The following ZPBP variants were observed in gnomAD, a reference collection of about 807,000 sequenced individuals.
ZPBP encodes zona pellucida binding protein.
ZPBP carries 26 observed loss-of-function variants against 44.8 expected under a neutral mutation model. The ratio of observed to expected loss-of-function variants is 0.58; its 90% confidence interval spans 0.43 to 0.81. The LOEUF is 0.81. Ranked by LOEUF, ZPBP falls within the 30% of genes least tolerant of loss-of-function variation. ZPBP has a pLI of 0.00. For missense variants in ZPBP, 409 were observed against 434.0 expected (o/e 0.94, Z 0.51); for synonymous variants, 174 against 153.2 (o/e 1.14, Z -1.00).
rs536880676 is a variant in ZPBP, at chr7:49,892,031, ATTTTTTTTTTT to A, written n.509+9076_509+9086del. ...GCAGTTGGCAGAACAGACAAAGTAG[ATTTTTTTTTTT>A]TTTTTTTTTTTTTTTTTTTTGAGAC... On this transcript the variant is annotated intron_variant and non_coding_transcript_variant, in intron 2 of 2. Transcript: ENST00000465922. 2.3e-3 allele frequency among the ~76,000 whole-genome samples: 123 copies of A among 53,298 alleles called. 1 individual carries two copies. Among genetic ancestry groups the A allele is most frequent in the Non-Finnish European group, 3.7e-3 (111 of 29,934 alleles). The allele number at this position is 53,298 out of a possible 152,430, so 35.0% of individuals were successfully genotyped here.
chr7:50,041,657 A>G (rs1286560242), intron 4 of ZPBP, among the ~76,000 whole-genome samples: 1 of 152,206 alleles, frequency 6.6e-6, no homozygotes, highest in Non-Finnish European at 1.5e-5. Context: ...AAAGGTCACC[A>G]ACATCTCCAA....
In ZPBP at chr7:50,021,902, T is replaced by C. The variant is rs1799114666; in HGVS notation, c.707-3586A>G. 3.3e-5 allele frequency among the ~76,000 whole-genome samples: 5 copies of C among 152,084 alleles called. No individual in the cohort carries two copies. The South Asian group carries it at 1.0e-3, about 31-fold the overall frequency. ...ATCATTTATAATAAATGGGCAACCA[T>C]TTTTTAAAAAATCAAAGACAGAGAG... On this transcript the variant is annotated intron_variant, in intron 5 of 7. Transcript: ENST00000046087.
chr7:49,939,720 T>C (rs1794782927), intron 7 of ZPBP, among the ~76,000 whole-genome samples: 1 of 152,020 alleles, frequency 6.6e-6, no homozygotes, highest in African/African-American at 2.4e-5. Flanking sequence ...TTGTGTAAAA[T>C]AAAACTGTGG....
At chr7:49,883,170 G>C (rs1583749217) in intron 2 of ZPBP, among the ~76,000 whole-genome samples, 1 of 152,070 alleles carries the variant, frequency 6.6e-6, no homozygotes, top group East Asian at 1.9e-4. Flanking sequence ...CCTTTATGCA[G>C]GTTTGAGCTT....
chr7:50,021,174 C>A (rs1799075179), intron 5 of ZPBP, among the ~76,000 whole-genome samples: 1 of 151,950 alleles, frequency 6.6e-6, no homozygotes, highest in African/African-American at 2.4e-5. Flanking sequence ...ATAATAGAAA[C>A]TGTCCCTGAG....
chr7:49,910,764 T>C (rs1793364533), intron 1 of ZPBP, among the ~76,000 whole-genome samples: 1 of 152,174 alleles, frequency 6.6e-6, no homozygotes. Context: ...TCAATTCTCA[T>C]GGAAAACTGT....
chr7:49,926,777 G>A (rs1285032205), intron 1 of ZPBP, among the ~76,000 whole-genome samples: 2 of 152,126 alleles, frequency 1.3e-5, no homozygotes, highest in Non-Finnish European at 2.9e-5. Flanking sequence ...GAAGAGAGGA[G>A]GGGCTGGGAG....
In ZPBP at chr7:50,044,134, G is replaced by C. The variant is rs1018176305; in HGVS notation, c.488-12824C>G. ...GAACCAATGAGAACAAAGACACAACGTACCAGAATCTCTGGGACACAGCTA... is the reference window on the plus strand; with the variant it reads ...GAACCAATGAGAACAAAGACACAACCTACCAGAATCTCTGGGACACAGCTA... On this transcript the variant is annotated intron_variant, in intron 4 of 7. Transcript: ENST00000046087. Among the ~76,000 whole-genome samples the C allele has an allele frequency of 2.0e-5, 3 of 152,196 alleles. 1 individual carries two copies. The highest frequency in any genetic ancestry group is 2.0e-4 in the Admixed American group (3 of 15,268).
At chr7:49,848,608 C>T (rs531591453), downstream of ZPBP, among the ~76,000 whole-genome samples, 7 of 152,218 alleles carry the variant, frequency 4.6e-5, no homozygotes, top group Non-Finnish European at 7.3e-5. Flanking sequence ...CCATCTTTTC[C>T]CTTTCTCCAC....
At chr7:50,002,601 G>A (rs896553767) in intron 6 of ZPBP, among the ~76,000 whole-genome samples, 3 of 152,056 alleles carry the variant, frequency 2.0e-5, no homozygotes, top group Admixed American at 6.6e-5. Context: ...TACCCAGAAG[G>A]GTAAAGTATC....
At chr7:49,900,732 AAGG>A (rs1267499662) in intron 2 of ZPBP, among the ~76,000 whole-genome samples, 1 of 151,826 alleles carries the variant, frequency 6.6e-6, no homozygotes, top group Non-Finnish European at 1.5e-5. Flanking sequence ...CCAAACATTT[AAGG>A]AAGAACTGAT....
chr7:49,939,754 C>T (rs546795187), intron 7 of ZPBP, among the ~76,000 whole-genome samples: 1 of 152,102 alleles, frequency 6.6e-6, no homozygotes, highest in South Asian at 2.1e-4. Flanking sequence ...GCAAGATGGA[C>T]TCCCTGAGGC....
chr7:49,904,737 T>A (rs1403258805), intron 1 of ZPBP, among the ~76,000 whole-genome samples: 2 of 12,448 alleles, frequency 1.6e-4, no homozygotes, highest in African/African-American at 4.1e-4. Flanking sequence ...CATATATTAA[T>A]TTTTTTTTTT....
In ZPBP at chr7:49,851,644, G is replaced by A. The variant is rs184152252; in HGVS notation, n.510-1130C>T. The stretch of plus-strand genomic sequence containing the variant: ...GGAGGCCGAGGCGGGTGGATCATGA[G>A]GTCAGGAGATCGAGACCACCCTGGC... On this transcript the variant is annotated intron_variant and non_coding_transcript_variant, in intron 2 of 2. Coordinates refer to the ZPBP transcript ENST00000465922. Among the ~76,000 whole-genome samples the A allele has an allele frequency of 2.7e-3, 414 of 152,308 alleles. 3 individuals carry two copies. The highest frequency in any genetic ancestry group is 9.7e-3 in the African/African-American group (404 of 41,562).
intron 7 of ZPBP, among the ~76,000 whole-genome samples, chr7:49,972,062 T>A (rs1796322010): frequency 6.6e-6 from 1 of 151,952 alleles, no homozygotes; most frequent in African/African-American, 2.4e-5. Context: ...GATAAAAATA[T>A]TCAACAAAGT....
intron 3 of ZPBP, among the ~76,000 whole-genome samples, chr7:50,070,469 T>C (rs1451268461): frequency 1.3e-5 from 2 of 152,172 alleles, no homozygotes; most frequent in Admixed American, 1.3e-4. Context: ...TTCATCCGGG[T>C]GAAGCTCTCC....
chr7:49,878,511 A>C (rs1228560558), intron 2 of ZPBP, among the ~76,000 whole-genome samples: 1 of 152,122 alleles, frequency 6.6e-6, no homozygotes, highest in African/African-American at 2.4e-5. Context: ...ATTTTCTTTC[A>C]AAACTCTGAA....
intron 7 of ZPBP, among the ~76,000 whole-genome samples, chr7:49,940,166 TA>T (rs1320621277): frequency 6.6e-6 from 1 of 152,190 alleles, no homozygotes; most frequent in African/African-American, 2.4e-5. Flanking sequence ...CACCTTCAGT[TA>T]TACCAAAGGC....
intron 7 of ZPBP, chr7:49,943,794 T>A (rs1450500677): frequency 8.2e-6 from 2 of 242,654 alleles, no homozygotes; most frequent in East Asian, 2.8e-4. Context: ...ATCTGGTGAA[T>A]CTATAACCCT....
Sources: gnomAD v4.1 joint callset for allele counts (sites outside exome capture counted in the v4.1 genomes callset) on GRCh38, gnomAD v4.1.1 for gene constraint, MANE v1.5 for transcripts, NCBI Gene and HGNC (gene_info 2026-07-23, HGNC 2026-07-21) for gene names.